Variants in HR observed in about 807,000 individuals in gnomAD.
HR encodes the protein lysine-specific demethylase hairless.
A neutral mutation model predicts 128.6 loss-of-function variants in HR; 83 were observed. The observed-to-expected ratio is 0.65, with a 90% confidence interval of 0.54 to 0.77. The LOEUF (loss-of-function observed/expected upper bound fraction) is 0.77. Among genes scored for constraint, HR ranks in the 30% least tolerant of loss-of-function variants. The pLI is 0.00. For synonymous variants in HR, 681 were observed against 658.2 expected (o/e 1.03, Z -0.53); for missense variants, 1,490 against 1,574.6 (o/e 0.95, Z 0.91).
intron 6 of HR, 91 bp downstream of exon 6, chr8:22,123,558 T>C: frequency 4.5e-6 from 6 of 1,323,954 alleles, no homozygotes; most frequent in Non-Finnish European, 6.2e-6. Flanking sequence ...AGGGGGCTTT[T>C]TGGGGAGAGG....
At chr8:22,130,084 G>T (rs1472638223) in intron 1 of HR, among the ~76,000 whole-genome samples, 2 of 152,198 alleles carry the variant, frequency 1.3e-5, no homozygotes, top group African/African-American at 4.8e-5. Context: ...GGGAAAGCGG[G>T]CTGGGCCCCA....
In HR at chr8:22,116,520, C is replaced by A; in HGVS notation, c.3379-92G>T. 5 of 1,365,186 alleles carry A rather than the reference C, an allele frequency of 3.7e-6. No homozygotes were observed. The highest frequency in any genetic ancestry group is 4.9e-6 in the Non-Finnish European group (5 of 1,013,986). 84.6% of individuals were successfully genotyped at this position (1,365,186 alleles called of 1,614,324 possible). A position where few individuals can be genotyped will look rare whatever the true frequency, so the allele number is the denominator to read the frequency against. The stretch of plus-strand genomic sequence containing the variant: ...TGAGGTTCGCTTCCTCTAATGACAA[C>A]CACCCCCGACCCCTGGCTCTCAGAG... On this transcript the variant is annotated intron_variant, in intron 17 of 18. Coordinates refer to ENST00000381418, the MANE Select transcript of HR (RefSeq NM_005144.5). The surrounding 1 kb of genome is among the most constrained non-coding windows in gnomAD (Gnocchi z 4.2).
chr8:22,125,216 A>T (rs2131762637), intron 5 of HR, 95 bp downstream of exon 5: 1 of 1,300,724 alleles, frequency 7.7e-7, no homozygotes, highest in Non-Finnish European at 1.1e-6. Flanking sequence ...AGGTTGCCTT[A>T]GGTCTAGGAG....
Position 22,120,099 on chromosome 8 carries a change from C to T in HR, c.2846+5G>A. The T allele has an allele frequency of 1.3e-6, 2 of 1,583,602 alleles. No individual in the cohort carries two copies. The highest frequency in any genetic ancestry group is 1.7e-6 in the Non-Finnish European group (2 of 1,165,558). On this transcript the variant is annotated splice_donor_5th_base_variant and intron_variant, in intron 13 of 18. Transcript: ENST00000381418. ...GGTAGGGCTGGCCCTTGGTGACATA[C>T]ACACCTGCTGGTGTCCTCATCCCCC...
rs758563839 is a variant in HR, at chr8:22,120,408, G to T, written c.2710C>A (p.Leu904Ile). 3 of 1,613,972 alleles carry T rather than the reference G, an allele frequency of 1.9e-6. No individual in the cohort carries two copies. The highest frequency in any genetic ancestry group is 1.1e-5 in the South Asian group (1 of 91,088). The stretch of plus-strand genomic sequence containing the variant: ...AGGCTGCTGGGCTGGGGAGGTCCGA[G>T]GGGGCTCAGCGCCTGCACCTGGCCT... ...LGGQVQALSP[L>I]GPPQPSSLGS... Residue 904 changes from leucine (L) to isoleucine (I), a missense_variant, in exon 12 of 19, where the codon CTC (leucine) becomes ATC (isoleucine). Coordinates refer to ENST00000381418, the MANE Select transcript of HR (RefSeq NM_005144.5).
At chr8:22,123,617 T>TACCCCCCCCCCCCCCC in intron 6 of HR, 32 bp downstream of exon 6, 1 of 292,092 alleles carries the variant, frequency 3.4e-6, no homozygotes, top group Non-Finnish European at 6.2e-6. Context: ...GAGGGCTCCA[T>TACCCCCCCCCCCCCCC]CCCGCCCTCC....
chr8:22,126,693 T>C (rs1181057287), intron 3 of HR, among the ~76,000 whole-genome samples: 1 of 152,170 alleles, frequency 6.6e-6, no homozygotes, highest in Non-Finnish European at 1.5e-5. Context: ...ATAGATGAAG[T>C]AACTGAGGCC....
Position 22,128,808 on chromosome 8 carries a change from G to A in HR, c.363C>T (p.Pro121=), listed in dbSNP as rs1444153072. ...CGPACPPRCG[P]LMPEHSGGHL... is the part of the protein sequence containing the mutation. ...GGCCACCACTATGCTCAGGCATCAGGGGGCCACAGCGAGGTGGGCACGCTG... is the reference window on the plus strand; with the variant it reads ...GGCCACCACTATGCTCAGGCATCAGAGGGCCACAGCGAGGTGGGCACGCTG... Residue 121 remains proline (P), a synonymous_variant, in exon 2 of 19, where the codon CCC becomes CCT. Transcript: ENST00000381418. 6.8e-6 allele frequency: 11 copies of A among 1,612,952 alleles called. No homozygotes were observed. Among genetic ancestry groups the A allele is most frequent in the Non-Finnish European group, 7.6e-6 (9 of 1,179,846 alleles).
At position 22,128,962 on chromosome 8, in the gene HR, T is replaced by G; in HGVS notation, c.209A>C (p.Lys70Thr). ...GCCCTCCACAAGTGGGAGCATGTCC[T>G]TGGGGCCCTGGGGGAAGCCAGGGGG... The part of the protein sequence containing the change: ...WLPPGFPQGP[K>T]DMLPLVEGEG... Residue 70 changes from lysine (K) to threonine (T), a missense_variant, in exon 2 of 19, where the codon AAG becomes ACG. Lys to Thr is a moderately conservative substitution (Grantham distance 78). Transcript: ENST00000381418. 1 of 1,613,386 alleles carries G rather than the reference T, an allele frequency of 6.2e-7. No individual in the cohort carries two copies. The highest frequency in any genetic ancestry group is 8.5e-7 in the Non-Finnish European group (1 of 1,179,990).
rs1418911605 is a variant in HR at position 22,119,215 on chromosome 8, T to G, written c.3046A>C (p.Ile1016Leu). The part of the protein sequence containing the change: ...LCVEVADLVS[I>L]LVHADTPLPA... ...AGTGGTGTGTCGGCATGCACCAGGA[T>G]GCTGACCAGGTCGGCCACCTCCACA... Residue 1016 changes from isoleucine (I) to leucine (L), a missense_variant, in exon 15 of 19, where the codon ATC (isoleucine) becomes CTC (leucine). Physicochemically the swap from Ile to Leu is conservative, Grantham distance 5. This residue lies in a region of HR where 423 missense variants were observed against 495.9 expected (regional missense o/e 0.85). Transcript: ENST00000381418. 2.5e-6 allele frequency: 4 copies of G among 1,613,732 alleles called. No individual in the cohort carries two copies. In the African/African-American group the frequency reaches 5.3e-5, roughly 22 times the overall value.
chr8:22,125,719 G>A lies in HR; in HGVS notation c.1419C>T (p.Gly473=), dbSNP rs576731122. 1.2e-6 allele frequency: 2 copies of A among 1,613,818 alleles called. No homozygotes were observed. The highest frequency in any genetic ancestry group is 2.2e-5 in the South Asian group (2 of 91,032). ...QHDEQKGPQD[G]QASLQDPGLQ... ...GTCCCGGGTCCTGGAGACTGGCCTG[G>A]CCATCTTGGGGTCCTGAGGGGACAA... Residue 473 remains glycine, a synonymous_variant, in exon 4 of 19, where the codon GGC becomes GGT. Transcript: ENST00000381418.
intron 3 of HR, 62 bp from the exon 4 acceptor site, chr8:22,125,794 T>C (rs1420319532): frequency 1.3e-6 from 2 of 1,577,564 alleles, no homozygotes; most frequent in Admixed American, 3.5e-5. Flanking sequence ...ACCCCATTCC[T>C]CACCTTAGCG....
chr8:22,122,954 A>G, intron 6 of HR, 75 bp from the exon 7 acceptor site: 2 of 1,378,548 alleles, frequency 1.5e-6, no homozygotes, highest in Non-Finnish European at 2.0e-6. Flanking sequence ...GAAGGTCAGG[A>G]CATGATACCT....
In HR at chr8:22,115,400, G is replaced by A; in HGVS notation, c.*300C>T. 1 of 537,796 alleles carries A rather than the reference G, an allele frequency of 1.9e-6. No individual in the cohort carries two copies. Among genetic ancestry groups the A allele is most frequent in the South Asian group, 2.1e-5 (1 of 46,640 alleles). The allele number at this position is 537,796 out of a possible 1,614,324, so 33.3% of individuals were successfully genotyped here. On this transcript the variant is annotated 3_prime_UTR_variant, in exon 19 of 19. Coordinates refer to ENST00000381418, the MANE Select transcript of HR (RefSeq NM_005144.5). ...CCAAGGAAGGGCTGTTTGTCTCCTG[G>A]GTCTCGGAGGAGTGGGGATTGGAGG... is the stretch of plus-strand genomic sequence containing the variant.
At chr8:22,118,008 A>C (rs11786089) in intron 16 of HR, 1 of 151,974 alleles carries the variant, frequency 6.6e-6, no homozygotes, top group South Asian at 2.1e-4. Flanking sequence ...GTTGGGCCGT[A>C]GTGACTGCCC....
At chr8:22,123,561 G>A (rs1826806998) in intron 6 of HR, 88 bp downstream of exon 6, 1 of 1,339,674 alleles carries the variant, frequency 7.5e-7, no homozygotes, top group African/African-American at 1.4e-5. Flanking sequence ...GGGCTTTTTG[G>A]GGAGAGGCAG....
chr8:22,120,531 C>T, intron 11 of HR, 24 bp from the exon 12 acceptor site: 3 of 1,613,006 alleles, frequency 1.9e-6, no homozygotes, highest in Non-Finnish European at 2.5e-6. Flanking sequence ...GGAAGGAGGC[C>T]ATGAGGAGAA....
rs1826975435 is a variant in HR at position 22,128,917 on chromosome 8, T to TC, written c.253dup (p.Glu85GlyfsTer41). The TC allele has an allele frequency of 6.2e-7, 1 of 1,613,358 alleles. No homozygotes were observed. The highest frequency in any genetic ancestry group is 1.7e-5 in the Admixed American group (1 of 60,006). On this transcript the variant is annotated frameshift_variant, in exon 2 of 19. Transcript: ENST00000381418. LOFTEE classifies it high-confidence loss of function. ...GCTGCCCAGCCAGTTGACCTTCCTC[T>TC]CCCCATTCTGGGGGCCCTCGCCCTC...
chr8:22,123,617 T>TGGGGGGGGCCCCCCC, intron 6 of HR, 32 bp downstream of exon 6: 1 of 292,092 alleles, frequency 3.4e-6, no homozygotes, highest in Non-Finnish European at 6.2e-6. Context: ...GAGGGCTCCA[T>TGGGGGGGGCCCCCCC]CCCGCCCTCC....
Sources: gnomAD v4.1 joint callset for allele counts (sites outside exome capture counted in the v4.1 genomes callset) on GRCh38, gnomAD v4.1.1 for gene constraint, gnomAD v4.1.1 regional missense constraint, Gnocchi (gnomAD v3.1) non-coding constraint, MANE v1.5 for transcripts, NCBI Gene and HGNC (gene_info 2026-07-23, HGNC 2026-07-21) for gene names.